Variants in CTNNA2 observed in about 807,000 individuals in gnomAD.
CTNNA2 encodes catenin alpha-2.
CTNNA2 carries 42 observed loss-of-function variants against 101.0 expected under a neutral mutation model. The observed-to-expected ratio is 0.42, with a 90% confidence interval of 0.32 to 0.54. The LOEUF (loss-of-function observed/expected upper bound fraction) is 0.54. Among genes scored for constraint, CTNNA2 ranks in the 20% least tolerant of loss-of-function variants. The pLI, the probability that CTNNA2 is intolerant of heterozygous loss-of-function variation, is 0.14. For missense variants in CTNNA2, 871 were observed against 1,223.1 expected, an observed-to-expected ratio of 0.71 and a Z score of 4.29; for synonymous variants, 450 against 456.4, an observed-to-expected ratio of 0.99 and a Z score of 0.18.
At chr2:79,380,864 A>C (rs1310981109) in intron 4 of CTNNA2, among the ~76,000 whole-genome samples, 1 of 152,230 alleles carries the variant, frequency 6.6e-6, no homozygotes, top group Non-Finnish European at 1.5e-5. Flanking sequence ...ACTGCAGTCC[A>C]GTATGCCTGA....
chr2:80,622,887 C>T (rs1273660722), intron 18 of CTNNA2, among the ~76,000 whole-genome samples: 1 of 151,488 alleles, frequency 6.6e-6, no homozygotes, highest in Non-Finnish European at 1.5e-5. Context: ...TTAGATCACC[C>T]AGTGACATGG....
intron 1 of CTNNA2, among the ~76,000 whole-genome samples, chr2:79,580,363 A>G (rs1019534102): frequency 2.6e-5 from 4 of 152,174 alleles, no homozygotes; most frequent in African/African-American, 9.7e-5. Flanking sequence ...CTGTGCGCCA[A>G]AGAATGCAGT....
At chr2:79,842,201 G>T (rs992883383) in intron 3 of CTNNA2, among the ~76,000 whole-genome samples, 1 of 152,052 alleles carries the variant, frequency 6.6e-6, no homozygotes, top group East Asian at 1.9e-4. Context: ...ATTTTTGTTG[G>T]CATATAACCA....
chr2:80,130,224 G>T (rs1702341878), intron 7 of CTNNA2, among the ~76,000 whole-genome samples: 1 of 152,154 alleles, frequency 6.6e-6, no homozygotes, highest in Admixed American at 6.5e-5. Flanking sequence ...GTTTATTAAA[G>T]CAGCCATTTA....
intron 7 of CTNNA2, among the ~76,000 whole-genome samples, chr2:80,388,484 C>T (rs776601840): frequency 5.9e-5 from 9 of 152,166 alleles, no homozygotes; most frequent in African/African-American, 1.2e-4. Flanking sequence ...GATTGTTTCC[C>T]TGTAACAGGA....
intron 7 of CTNNA2, chr2:80,299,039 C>T (rs1676008725): frequency 6.6e-6 from 1 of 152,058 alleles, no homozygotes; most frequent in South Asian, 2.1e-4. Flanking sequence ...AACCTCAATA[C>T]CACTGCTGAA....
At chr2:79,443,900 C>T (rs539180440) in intron 4 of CTNNA2, among the ~76,000 whole-genome samples, 1 of 103,868 alleles carries the variant, frequency 9.6e-6, no homozygotes, top group South Asian at 3.8e-4. Context: ...TATTTGTATA[C>T]ATACTCTCTC....
intron 1 of CTNNA2, among the ~76,000 whole-genome samples, chr2:79,621,950 C>A (rs1679023971): frequency 6.6e-6 from 1 of 152,130 alleles, no homozygotes; most frequent in East Asian, 1.9e-4. Context: ...TCAAAACTGT[C>A]CAGGTCATCA....
At chr2:79,667,825 A>G (rs1446009613) in intron 2 of CTNNA2, among the ~76,000 whole-genome samples, 2 of 152,384 alleles carry the variant, frequency 1.3e-5, no homozygotes, top group Middle Eastern at 3.4e-3. Context: ...AGGTTTGCAC[A>G]GCAAATTAAG....
rs149297243 is a variant in CTNNA2, at chr2:80,162,594, C to T, written c.1057-230617C>T. 219 of 1,610,770 alleles carry T rather than the reference C, an allele frequency of 1.4e-4. No homozygotes were observed. In the African/African-American group the frequency reaches 1.6e-3, roughly 12 times the overall value. On this transcript the variant is annotated intron_variant, in intron 7 of 18. Transcript: ENST00000402739. ...ATGGTCAGACCCATGATCAGTGTAA[C>T]GCTGTTCCCGGCTATAATGTCTATC...
intron 7 of CTNNA2, among the ~76,000 whole-genome samples, chr2:79,933,798 T>G (rs1352307244): frequency 1.3e-5 from 2 of 152,242 alleles, no homozygotes; most frequent in Non-Finnish European, 2.9e-5. Context: ...CTGTATGCTT[T>G]TAAGCACACT....
At chr2:79,471,999 CA>C (rs1401735529) in intron 4 of CTNNA2, among the ~76,000 whole-genome samples, 1 of 152,126 alleles carries the variant, frequency 6.6e-6, no homozygotes, top group Non-Finnish European at 1.5e-5. Flanking sequence ...AGCATCAAGA[CA>C]AGAATATAAA....
intron 7 of CTNNA2, among the ~76,000 whole-genome samples, chr2:80,138,771 C>T (rs1334873432): frequency 6.6e-6 from 1 of 152,150 alleles, no homozygotes; most frequent in Non-Finnish European, 1.5e-5. Flanking sequence ...ACCAGTAAAG[C>T]ATTTCATTTA....
chr2:79,519,054 C>A (rs747461897), intron 1 of CTNNA2, among the ~76,000 whole-genome samples: 1 of 151,846 alleles, frequency 6.6e-6, no homozygotes, highest in South Asian at 2.1e-4. Flanking sequence ...CATGATGAAA[C>A]CCTGTCTCTA....
intron 3 of CTNNA2, among the ~76,000 whole-genome samples, chr2:79,373,400 C>G (rs563734356): frequency 3.6e-4 from 55 of 152,246 alleles, no homozygotes; most frequent in African/African-American, 1.3e-3. Flanking sequence ...CTGAAACATA[C>G]AGAATACTAT....
chr2:80,200,162 AG>A (rs1197625385), intron 7 of CTNNA2, among the ~76,000 whole-genome samples: 1 of 152,238 alleles, frequency 6.6e-6, no homozygotes, highest in Non-Finnish European at 1.5e-5. Context: ...GAGAAAAGAA[AG>A]AAAGAAAATC....
chr2:79,858,010 C>T lies in CTNNA2; in HGVS notation c.299-3C>T. The T allele has an allele frequency of 6.2e-7, 1 of 1,609,980 alleles. No individual in the cohort carries two copies. The highest frequency in any genetic ancestry group is 8.5e-7 in the Non-Finnish European group (1 of 1,176,624). On this transcript the variant is annotated splice_polypyrimidine_tract_variant and splice_region_variant and intron_variant, in intron 3 of 18. Coordinates refer to ENST00000402739, the MANE Select transcript of CTNNA2 (RefSeq NM_001282597.3). ...CACCTGCCTCTCCGTGTCTGTCTTC[C>T]AGGTGAGACGATGCGGATCGCCTCC... is the stretch of plus-strand genomic sequence containing the variant.
At chr2:80,063,716 T>C (rs1242038665) in intron 7 of CTNNA2, among the ~76,000 whole-genome samples, 1 of 152,254 alleles carries the variant, frequency 6.6e-6, no homozygotes. Flanking sequence ...TCTTACAGCA[T>C]TGATAAACCT....
At chr2:80,363,128 T>A (rs1392076631) in intron 7 of CTNNA2, among the ~76,000 whole-genome samples, 1 of 152,050 alleles carries the variant, frequency 6.6e-6, no homozygotes, top group Non-Finnish European at 1.5e-5. Flanking sequence ...TATTTTGGTT[T>A]AAAAAATCCT....
Sources: allele counts gnomAD v4.1 joint callset (sites outside exome capture counted in the v4.1 genomes callset), GRCh38; gene constraint gnomAD v4.1.1; transcripts MANE v1.5; gene names NCBI Gene and HGNC (gene_info 2026-07-23, HGNC 2026-07-21).